LYPLAL1: variants seen among roughly 807,000 people sequenced by gnomAD.
LYPLAL1 encodes lysophospholipase-like protein 1.
LYPLAL1 carries 23 observed loss-of-function variants against 19.7 expected under a neutral mutation model. The observed-to-expected ratio is 1.17, with a 90% confidence interval of 0.84 to 1.65. The LOEUF (loss-of-function observed/expected upper bound fraction) is 1.65, where lower values mean the gene tolerates loss of function less well. Ranked by LOEUF, LYPLAL1 falls within the 40% of genes most tolerant of loss-of-function variation. LYPLAL1 has a pLI of 0.00. For synonymous variants in LYPLAL1, 119 were observed against 96.3 expected, an observed-to-expected ratio of 1.24 and a Z score of -1.38; for missense variants, 355 against 279.4, an observed-to-expected ratio of 1.27 and a Z score of -1.93.
the LYPLAL1 span, among the ~76,000 whole-genome samples, chr1:219,328,138 A>T: frequency 6.6e-6 from 1 of 152,108 alleles, no homozygotes; most frequent in East Asian, 1.9e-4. Flanking sequence ...TTTTCTGTAT[A>T]TTTCCTTGTT....
intron 2 of LYPLAL1, among the ~76,000 whole-genome samples, chr1:219,181,846 C>T (rs886339218): frequency 2.0e-5 from 3 of 152,096 alleles, no homozygotes; most frequent in African/African-American, 7.2e-5. Flanking sequence ...TGTATCCCTA[C>T]AGACACTGAG....
chr1:219,233,068 A>T, the LYPLAL1 span, among the ~76,000 whole-genome samples: 1 of 152,348 alleles, frequency 6.6e-6, no homozygotes, highest in South Asian at 2.1e-4. Context: ...GGGTACACCT[A>T]TATTCACAGC....
chr1:219,336,879 T>C, the LYPLAL1 span, among the ~76,000 whole-genome samples: 1 of 152,000 alleles, frequency 6.6e-6, no homozygotes, highest in Admixed American at 6.6e-5. Flanking sequence ...ATTATTTTCC[T>C]AGGTCTGCTT....
At chr1:219,266,706 G>A in the LYPLAL1 span, among the ~76,000 whole-genome samples, 608 of 152,168 alleles carry the variant, frequency 4.0e-3, no homozygotes, top group Non-Finnish European at 5.6e-3. Context: ...TGAGTAATAC[G>A]TTGCATTATA....
At chr1:219,414,379 A>T in the LYPLAL1 span, among the ~76,000 whole-genome samples, 1 of 152,204 alleles carries the variant, frequency 6.6e-6, no homozygotes, top group African/African-American at 2.4e-5. Flanking sequence ...TAGCACACTG[A>T]CTGGCACTCA....
At chr1:219,265,462 G>T in the LYPLAL1 span, among the ~76,000 whole-genome samples, 1 of 152,046 alleles carries the variant, frequency 6.6e-6, no homozygotes, top group African/African-American at 2.4e-5. Flanking sequence ...GTAAAACGGC[G>T]CTTGATTGTC....
the LYPLAL1 span, among the ~76,000 whole-genome samples, chr1:219,220,960 G>C: frequency 6.6e-6 from 1 of 152,174 alleles, no homozygotes; most frequent in Non-Finnish European, 1.5e-5. Context: ...ACCCCTAGGA[G>C]ACGTCACAGG....
chr1:219,369,327 A>G, the LYPLAL1 span, among the ~76,000 whole-genome samples: 2 of 152,358 alleles, frequency 1.3e-5, no homozygotes, highest in South Asian at 2.1e-4. Flanking sequence ...GCTGGAGTGC[A>G]GTGGCATGAT....
At chr1:219,385,257 G>A in the LYPLAL1 span, among the ~76,000 whole-genome samples, 9 of 152,096 alleles carry the variant, frequency 5.9e-5, no homozygotes, top group Non-Finnish European at 8.8e-5. Context: ...GAATACCATG[G>A]CATGATTCCA....
In LYPLAL1 at chr1:219,179,230, C is replaced by A. The variant is rs1656063995; in HGVS notation, c.175C>A (p.Pro59Thr). ...LTFQHIKIIYPTAPPRSYTPM... is the reference protein window; with the variant it reads ...LTFQHIKIIYTTAPPRSYTPM... ...ATTCCAACACATAAAAATTATTTAT[C>A]CAACAGCTCCTCCCAGGTATGCAGT... The change falls in exon 2 of 5, where the codon CCA becomes ACA. Residue 59 changes from proline (P) to threonine (T), a missense_variant. By Grantham distance (38) the Pro-to-Thr change is conservative (BLOSUM62 -1). Transcript: ENST00000366928. 6.2e-7 allele frequency: 1 copy of A among 1,608,618 alleles called. No individual in the cohort carries two copies. The highest frequency in any genetic ancestry group is 8.5e-7 in the Non-Finnish European group (1 of 1,176,138).
At chr1:219,246,772 G>A in the LYPLAL1 span, among the ~76,000 whole-genome samples, 1 of 152,142 alleles carries the variant, frequency 6.6e-6, no homozygotes, top group Non-Finnish European at 1.5e-5. Context: ...TTTTTGTAGG[G>A]ATGGAGTTTC....
chr1:219,344,752 C>T, the LYPLAL1 span, among the ~76,000 whole-genome samples: 1 of 152,162 alleles, frequency 6.6e-6, no homozygotes, highest in Non-Finnish European at 1.5e-5. Context: ...TGGAGTTCTC[C>T]TTGACTTCTT....
chr1:219,377,804 A>AT, the LYPLAL1 span, among the ~76,000 whole-genome samples: 1 of 152,196 alleles, frequency 6.6e-6, no homozygotes, highest in Non-Finnish European at 1.5e-5. Context: ...CAAATTCGTA[A>AT]TTTTTCATAT....
At chr1:219,218,608 A>G in the LYPLAL1 span, among the ~76,000 whole-genome samples, 1 of 152,070 alleles carries the variant, frequency 6.6e-6, no homozygotes, top group African/African-American at 2.4e-5. Context: ...AAAATTGGAC[A>G]CACTTGATGT....
the LYPLAL1 span, among the ~76,000 whole-genome samples, chr1:219,427,304 T>C: frequency 3.3e-5 from 5 of 152,328 alleles, no homozygotes; most frequent in Admixed American, 3.3e-4. Flanking sequence ...ATTTGAAACA[T>C]GGAAAACATG....
the LYPLAL1 span, chr1:219,222,844 T>C: frequency 6.6e-6 from 1 of 152,106 alleles, no homozygotes; most frequent in Non-Finnish European, 1.5e-5. Flanking sequence ...GATGGTGTCT[T>C]TTTGCTAAAT....
At chr1:219,183,140 GTAATGGTA>G (rs1344147440) in intron 2 of LYPLAL1, among the ~76,000 whole-genome samples, 1 of 151,864 alleles carries the variant, frequency 6.6e-6, no homozygotes, top group African/African-American at 2.4e-5. Flanking sequence ...CAGTAGATGT[GTAATGGTA>G]TCCTATTGTG....
At chr1:219,271,039 G>A in the LYPLAL1 span, 1 of 152,412 alleles carries the variant, frequency 6.6e-6, no homozygotes, top group East Asian at 1.9e-4. Context: ...TCCACCTCCT[G>A]AGGTCTAGGG....
the LYPLAL1 span, among the ~76,000 whole-genome samples, chr1:219,229,318 AG>A: frequency 2.4e-4 from 36 of 149,962 alleles, no homozygotes; most frequent in African/African-American, 8.7e-4. Flanking sequence ...AGAGAGAGAG[AG>A]AGAGAGAGAG....
Sources: allele counts gnomAD v4.1 joint callset (sites outside exome capture counted in the v4.1 genomes callset), GRCh38; gene constraint gnomAD v4.1.1; transcripts MANE v1.5; gene names NCBI Gene and HGNC (gene_info 2026-07-23, HGNC 2026-07-21).